Variants in GALNT17 observed in about 807,000 individuals in gnomAD.
GALNT17 encodes polypeptide N-acetylgalactosaminyltransferase 17.
GALNT17 carries 29 observed loss-of-function variants against 63.7 expected under a neutral mutation model. The ratio of observed to expected loss-of-function variants is 0.46; its 90% CI spans 0.34 to 0.62. GALNT17 has a LOEUF of 0.62. Among genes scored for constraint, GALNT17 ranks in the 20% least tolerant of loss-of-function variants. The pLI, the probability that GALNT17 is intolerant of heterozygous loss-of-function variation, is 0.01. For synonymous variants in GALNT17, 305 were observed against 318.3 expected (o/e 0.96, Z 0.45); for missense variants, 603 against 799.6 (o/e 0.75, Z 2.97).
chr7:71,600,466 C>A lies in GALNT17; in HGVS notation c.1080+29064C>A, dbSNP rs1018319967. On this transcript the variant is annotated intron_variant, in intron 6 of 10. Transcript: ENST00000333538. ...GACTCATGGTCATAATGACACCTAACTGTAATCATTCCCCACGTGCCCGGT... is the reference window on the plus strand; with the variant it reads ...GACTCATGGTCATAATGACACCTAAATGTAATCATTCCCCACGTGCCCGGT... 7.2e-5 allele frequency among the ~76,000 whole-genome samples: 11 copies of A among 152,214 alleles called. No homozygotes were observed. In the East Asian group the frequency reaches 2.1e-3, roughly 30 times the overall value.
At chr7:71,522,171 G>A (rs924961076) in intron 5 of GALNT17, among the ~76,000 whole-genome samples, 6 of 152,150 alleles carry the variant, frequency 3.9e-5, no homozygotes, top group Non-Finnish European at 7.3e-5. Flanking sequence ...TGCTGGAAAC[G>A]CACAGGGCTT....
chr7:71,672,027 C>CAAAA (rs55777129), intron 8 of GALNT17, among the ~76,000 whole-genome samples: 5 of 104,934 alleles, frequency 4.8e-5, no homozygotes, highest in Admixed American at 1.0e-4. Flanking sequence ...GACTCTGTCT[C>CAAAA]AAAAAAAAAA....
intron 5 of GALNT17, among the ~76,000 whole-genome samples, chr7:71,505,340 T>G (rs571071682): frequency 2.9e-4 from 44 of 152,138 alleles, no homozygotes; most frequent in African/African-American, 1.0e-3. Context: ...GGCTCACACC[T>G]GTAATTCTAA....
At chr7:71,238,474 C>G (rs1033406403) in intron 1 of GALNT17, among the ~76,000 whole-genome samples, 1 of 152,132 alleles carries the variant, frequency 6.6e-6, no homozygotes, top group Non-Finnish European at 1.5e-5. Flanking sequence ...ATCCTCCTGC[C>G]TCAGCCTCCC....
At chr7:71,359,873 C>G (rs138289589) in intron 2 of GALNT17, among the ~76,000 whole-genome samples, 73 of 152,256 alleles carry the variant, frequency 4.8e-4, no homozygotes, top group African/African-American at 1.6e-3. Flanking sequence ...ATAATCCAAT[C>G]CAGGGTTGAT....
chr7:71,448,372 T>G (rs114974518), intron 5 of GALNT17, among the ~76,000 whole-genome samples: 1,820 of 152,176 alleles, frequency 0.012, 42 homozygotes, highest in African/African-American at 0.041. Context: ...TGTGTGTGTG[T>G]GTGTGTGGTC....
intron 5 of GALNT17, among the ~76,000 whole-genome samples, chr7:71,513,523 C>A (rs767539537): frequency 4.7e-4 from 71 of 152,078 alleles, no homozygotes; most frequent in Non-Finnish European, 8.1e-4. Flanking sequence ...GTAGCTGTGA[C>A]TACAGGCATG....
At chr7:71,173,251 G>A (rs1562884882) in intron 1 of GALNT17, among the ~76,000 whole-genome samples, 1 of 152,262 alleles carries the variant, frequency 6.6e-6, no homozygotes. Context: ...TTGGCAGAAT[G>A]GTTCTACATG....
intron 7 of GALNT17, among the ~76,000 whole-genome samples, chr7:71,668,001 G>A (rs533700290): frequency 1.7e-4 from 26 of 152,092 alleles, no homozygotes; most frequent in East Asian, 7.8e-4. Flanking sequence ...GTTTTGCCAC[G>A]TTGCCCAGGC....
At chr7:71,275,527 T>C (rs1435004367) in intron 1 of GALNT17, among the ~76,000 whole-genome samples, 3 of 152,222 alleles carry the variant, frequency 2.0e-5, no homozygotes, top group African/African-American at 7.2e-5. Flanking sequence ...CCAGCTCTTG[T>C]GTGAGACCCA....
intron 3 of GALNT17, among the ~76,000 whole-genome samples, chr7:71,409,016 A>AT (rs1491138985): frequency 1.8e-5 from 2 of 113,078 alleles, no homozygotes; most frequent in Admixed American, 9.9e-5. Context: ...GCACATACAC[A>AT]AACACACACA....
chr7:71,603,669 A>G (rs935447286), intron 6 of GALNT17, among the ~76,000 whole-genome samples: 3 of 150,940 alleles, frequency 2.0e-5, no homozygotes, highest in African/African-American at 7.3e-5. Context: ...TACTATGCTA[A>G]GTGCATACAC....
At chr7:71,668,453 T>C (rs1018936185) in intron 7 of GALNT17, among the ~76,000 whole-genome samples, 4 of 128,382 alleles carry the variant, frequency 3.1e-5, no homozygotes, top group African/African-American at 1.2e-4. Flanking sequence ...GAGGCAGAGG[T>C]TGCGGTGAGC....
chr7:71,679,914 T>TCTCTCCCTCCC lies in GALNT17; in HGVS notation c.1500+2608_1500+2609insCTCTCCCTCCC, dbSNP rs1391804698. Among the ~76,000 whole-genome samples the TCTCTCCCTCCC allele has an allele frequency of 1.4e-4, 4 of 29,496 alleles. 1 individual carries two copies. Among genetic ancestry groups the TCTCTCCCTCCC allele is most frequent in the Admixed American group, 8.3e-4 (2 of 2,402 alleles). 19.4% of individuals were successfully genotyped at this position (29,496 alleles called of 152,430 possible). On this transcript the variant is annotated intron_variant, in intron 9 of 10. Transcript: ENST00000333538. The stretch of plus-strand genomic sequence containing the variant: ...CCTCCCTCCCTCCCTCCCTCCCTCC[T>TCTCTCCCTCCC]TCTCTCCCTTCCTCCTCCCTCTCTC...
At chr7:71,387,832 G>A (rs777744384) in intron 2 of GALNT17, among the ~76,000 whole-genome samples, 7 of 151,932 alleles carry the variant, frequency 4.6e-5, no homozygotes, top group South Asian at 4.2e-4. Flanking sequence ...CTGATGCCTG[G>A]GACTCCCCTA....
chr7:71,199,438 C>T (rs1789120286), intron 1 of GALNT17, among the ~76,000 whole-genome samples: 1 of 152,124 alleles, frequency 6.6e-6, no homozygotes, highest in South Asian at 2.1e-4. Context: ...CTCACCTACT[C>T]ATCCATTCAT....
At chr7:71,224,242 G>A (rs1388562817) in intron 1 of GALNT17, among the ~76,000 whole-genome samples, 1 of 151,878 alleles carries the variant, frequency 6.6e-6, no homozygotes, top group Non-Finnish European at 1.5e-5. Context: ...ACGGAGTTTT[G>A]CCATGTCGGC....
chr7:71,197,690 T>C (rs1789080833), intron 1 of GALNT17, among the ~76,000 whole-genome samples: 1 of 151,752 alleles, frequency 6.6e-6, no homozygotes, highest in East Asian at 1.9e-4. Context: ...TAAGGGAGAG[T>C]CAGCAATGAT....
intron 6 of GALNT17, among the ~76,000 whole-genome samples, chr7:71,645,479 C>A (rs1352283764): frequency 6.6e-6 from 1 of 152,168 alleles, no homozygotes; most frequent in Non-Finnish European, 1.5e-5. Flanking sequence ...GCTTCCCTTT[C>A]CGCCATGATT....
Sources: gnomAD v4.1 joint callset for allele counts (sites outside exome capture counted in the v4.1 genomes callset) on GRCh38, gnomAD v4.1.1 for gene constraint, MANE v1.5 for transcripts, NCBI Gene and HGNC (gene_info 2026-07-23, HGNC 2026-07-21) for gene names.